The following NHERF1 variants were observed in gnomAD, a reference collection of about 807,000 sequenced individuals.
NHERF1 encodes Na(+)/H(+) exchange regulatory cofactor NHE-RF1.
the NHERF1 span, chr17:74,768,971 C>T: frequency 1.0e-4 from 43 of 412,464 alleles, no homozygotes; most frequent in Admixed American, 5.4e-4. Flanking sequence ...TGGGACCAGG[C>T]GAGAGGGCAC....
chr17:74,763,781 T>C, the NHERF1 span, among the ~76,000 whole-genome samples: 1 of 152,158 alleles, frequency 6.6e-6, no homozygotes, highest in South Asian at 2.1e-4. Flanking sequence ...GGACAGATCT[T>C]CTTATTCCCG....
the NHERF1 span, among the ~76,000 whole-genome samples, chr17:74,758,246 G>C: frequency 6.6e-6 from 1 of 152,244 alleles, no homozygotes; most frequent in Non-Finnish European, 1.5e-5. The surrounding 1 kb of genome is among the most constrained non-coding windows in gnomAD (Gnocchi z 4.3). Flanking sequence ...TCCCTGGACT[G>C]CGTGGGTGGA....
chr17:74,756,735 A>T, the NHERF1 span, among the ~76,000 whole-genome samples: 3 of 152,126 alleles, frequency 2.0e-5, no homozygotes, highest in African/African-American at 7.2e-5. Context: ...CAGCTTTTTG[A>T]AGCTGGGTTT....
At chr17:74,766,643 C>T in the NHERF1 span, among the ~76,000 whole-genome samples, 11 of 151,970 alleles carry the variant, frequency 7.2e-5, no homozygotes, top group East Asian at 2.1e-3. Flanking sequence ...GTAGGCCAGA[C>T]ATTTGCTCAC....
the NHERF1 span, among the ~76,000 whole-genome samples, chr17:74,756,945 TG>T: frequency 6.6e-6 from 1 of 152,144 alleles, no homozygotes; most frequent in South Asian, 2.1e-4. Flanking sequence ...GGACAACCCC[TG>T]GGGGTTAAAT....
the NHERF1 span, chr17:74,769,253 A>AC: frequency 6.6e-6 from 1 of 152,612 alleles, no homozygotes; most frequent in African/African-American, 2.4e-5. Flanking sequence ...CCCTCAGCGA[A>AC]CTGGGCAGCA....
the NHERF1 span, among the ~76,000 whole-genome samples, chr17:74,761,370 C>T: frequency 6.6e-6 from 1 of 152,182 alleles, no homozygotes; most frequent in African/African-American, 2.4e-5. This position sits in a 1 kb window ranked among gnomAD's most constrained non-coding sequence, Gnocchi z 4.3. Context: ...TGTCCAGGTC[C>T]CCTTGCTGTG....
the NHERF1 span, chr17:74,768,591 C>G: frequency 6.2e-7 from 1 of 1,614,172 alleles, no homozygotes; most frequent in African/African-American, 1.3e-5. Context: ...CCACCAGAAA[C>G]GCAGCAGCAA....
At chr17:74,755,048 G>T in the NHERF1 span, among the ~76,000 whole-genome samples, 2 of 152,316 alleles carry the variant, frequency 1.3e-5, no homozygotes, top group East Asian at 1.9e-4. Flanking sequence ...CAGCGCAGGG[G>T]TGTGTCTTGG....
the NHERF1 span, chr17:74,763,505 C>G: frequency 6.3e-7 from 1 of 1,598,716 alleles, no homozygotes; most frequent in Non-Finnish European, 8.5e-7. Context: ...GATCCCATCT[C>G]AGGAGCACCT....
the NHERF1 span, among the ~76,000 whole-genome samples, chr17:74,760,537 TC>T: frequency 0.059 from 9,045 of 152,156 alleles, 384 homozygotes; most frequent in Admixed American, 0.12. This position sits in a 1 kb window ranked among gnomAD's most constrained non-coding sequence, Gnocchi z 4.5. Flanking sequence ...GGTGGCGGCC[TC>T]CTGGGGCTGG....
chr17:74,767,081 C>A, the NHERF1 span: 1 of 962,520 alleles, frequency 1.0e-6, no homozygotes, highest in Non-Finnish European at 1.7e-6. Flanking sequence ...AAGGCCAAAA[C>A]CCCAGGGTCC....
At chr17:74,755,341 C>A in the NHERF1 span, among the ~76,000 whole-genome samples, 28 of 152,314 alleles carry the variant, frequency 1.8e-4, no homozygotes, top group African/African-American at 6.3e-4. Context: ...AATCTGGAAT[C>A]TGGTAACCAA....
chr17:74,759,764 T>G, the NHERF1 span, among the ~76,000 whole-genome samples: 1 of 152,218 alleles, frequency 6.6e-6, no homozygotes. Flanking sequence ...GGTTGCCCCA[T>G]TCTGGACTTG....
chr17:74,766,094 T>G, the NHERF1 span, among the ~76,000 whole-genome samples: 1 of 152,232 alleles, frequency 6.6e-6, no homozygotes, highest in Admixed American at 6.5e-5. Flanking sequence ...CATCCCCATC[T>G]GAGACAATAC....
the NHERF1 span, among the ~76,000 whole-genome samples, chr17:74,754,399 C>CTTTTTT: frequency 1.7e-5 from 1 of 59,684 alleles, no homozygotes; most frequent in Non-Finnish European, 4.0e-5. Context: ...TTCTTTCTTT[C>CTTTTTT]TTTTTTTTTT....
the NHERF1 span, among the ~76,000 whole-genome samples, chr17:74,766,286 T>G: frequency 6.6e-6 from 1 of 152,086 alleles, no homozygotes; most frequent in Non-Finnish European, 1.5e-5. Flanking sequence ...AACCTCCACC[T>G]TCTGGGTTCA....
At chr17:74,748,888 C>G in the NHERF1 span, 3 of 1,598,264 alleles carry the variant, frequency 1.9e-6, no homozygotes, top group Non-Finnish European at 1.7e-6. This position sits in a 1 kb window ranked among gnomAD's most constrained non-coding sequence, Gnocchi z 4.3. Flanking sequence ...TGCCCCGGCT[C>G]TGCTGCCTGG....
chr17:74,765,822 G>A, the NHERF1 span, among the ~76,000 whole-genome samples: 2 of 152,028 alleles, frequency 1.3e-5, no homozygotes, highest in East Asian at 1.9e-4. Context: ...AAAGTGCTGG[G>A]GTCCCAGTCA....
Sources: allele counts gnomAD v4.1 joint callset (sites outside exome capture counted in the v4.1 genomes callset), GRCh38; gene constraint gnomAD v4.1.1; non-coding constraint Gnocchi (gnomAD v3.1); transcripts MANE v1.5; gene names NCBI Gene and HGNC (gene_info 2026-07-23, HGNC 2026-07-21).